Variants in ST18 observed in about 807,000 individuals in gnomAD.
ST18 encodes the protein suppression of tumorigenicity 18 protein.
Under a neutral mutation model 110.0 loss-of-function variants are expected in ST18, and 50 were observed. The ratio of observed to expected loss-of-function variants is 0.45; its 90% CI spans 0.36 to 0.58. The LOEUF is 0.58. Among genes scored for constraint, ST18 ranks in the 20% least tolerant of loss-of-function variants. ST18 has a pLI of 0.00. For synonymous variants in ST18, 461 were observed against 452.4 expected (o/e 1.02, Z -0.24); for missense variants, 1,306 against 1,280.1 (o/e 1.02, Z -0.31).
At chr8:52,278,329 C>A (rs182399081) in intron 2 of ST18, among the ~76,000 whole-genome samples, 5 of 152,298 alleles carry the variant, frequency 3.3e-5, no homozygotes, top group Admixed American at 3.3e-4. Flanking sequence ...AATAAAAACA[C>A]CTTCTTGTGT....
intron 2 of ST18, among the ~76,000 whole-genome samples, chr8:52,355,196 C>G (rs117689085): frequency 0.015 from 2,322 of 152,314 alleles, 24 homozygotes; most frequent in Admixed American, 0.031. Flanking sequence ...TGACCACCCT[C>G]TCCCTTCCAC....
chr8:52,345,606 A>G (rs1369213402), intron 2 of ST18, among the ~76,000 whole-genome samples: 3 of 152,182 alleles, frequency 2.0e-5, no homozygotes, highest in Non-Finnish European at 2.9e-5. Context: ...TCTCCAACCC[A>G]GCTCTTCCAA....
chr8:52,143,207 C>A (rs2055920763), intron 16 of ST18, among the ~76,000 whole-genome samples, 162 bp from the exon 17 acceptor site: 1 of 152,176 alleles, frequency 6.6e-6, no homozygotes, highest in Non-Finnish European at 1.5e-5. Context: ...ATAATATAGG[C>A]CAGGCGAGGT....
chr8:52,315,759 T>C (rs1020176864), intron 2 of ST18, among the ~76,000 whole-genome samples: 10 of 152,230 alleles, frequency 6.6e-5, no homozygotes, highest in African/African-American at 2.4e-4. Context: ...GCTATATAGC[T>C]GTCAAGCAAA....
intron 2 of ST18, among the ~76,000 whole-genome samples, chr8:52,234,114 CA>C (rs1291031141): frequency 6.6e-6 from 1 of 151,874 alleles, no homozygotes; most frequent in Non-Finnish European, 1.5e-5. Context: ...AACTTTTTTC[CA>C]AAAAAAGCAT....
At chr8:52,380,753 C>T (rs183713420) in intron 2 of ST18, among the ~76,000 whole-genome samples, 116 of 152,234 alleles carry the variant, frequency 7.6e-4, no homozygotes, top group African/African-American at 2.7e-3. Context: ...GGCAATTGAT[C>T]TTATTCCCTG....
At chr8:52,192,644 T>A (rs570665042) in intron 8 of ST18, among the ~76,000 whole-genome samples, 6 of 152,340 alleles carry the variant, frequency 3.9e-5, no homozygotes, top group African/African-American at 1.4e-4. Flanking sequence ...CAGAATGTGA[T>A]GTCTTCGGCA....
chr8:52,146,145 C>T (rs1586901755), intron 16 of ST18, among the ~76,000 whole-genome samples: 1 of 152,058 alleles, frequency 6.6e-6, no homozygotes, highest in Non-Finnish European at 1.5e-5. Flanking sequence ...AGGGACATAA[C>T]CATATTCCAG....
chr8:52,381,575 T>G (rs955936524), intron 2 of ST18, among the ~76,000 whole-genome samples: 1 of 152,234 alleles, frequency 6.6e-6, no homozygotes, highest in Non-Finnish European at 1.5e-5. Flanking sequence ...TATTCTAAAC[T>G]GGCCACAATA....
Position 52,172,325 on chromosome 8 carries a change from A to G in ST18, c.536T>C (p.Ile179Thr), listed in dbSNP as rs372843576. The G allele has an allele frequency of 1.2e-5, 20 of 1,614,034 alleles. No individual in the cohort carries two copies. The highest frequency in any genetic ancestry group is 5.3e-5 in the African/African-American group (4 of 74,920). Residue 179 changes from isoleucine (I) to threonine (T), a missense_variant, in exon 10 of 26, where the codon ATT becomes ACT. Physicochemically the swap from Ile to Thr is moderately conservative, Grantham distance 89 (BLOSUM62 -1). Transcript: ENST00000689386. The stretch of plus-strand genomic sequence containing the variant: ...GCAGAAGGGTGGCTGAGAATCATCA[A>G]TCTTGTCTCTTCCATCATCAGAATG... ...LIHSDDGRDK[I>T]DDSQPPFCSS...
chr8:52,211,287 C>A (rs534717302), intron 8 of ST18, among the ~76,000 whole-genome samples: 1 of 151,868 alleles, frequency 6.6e-6, no homozygotes, highest in East Asian at 1.9e-4. Context: ...ATATCTGTGA[C>A]GAAAATGCTT....
rs76315115 is a variant in ST18 at position 52,291,227 on chromosome 8, C to T, written c.-464-61150G>A. Among the ~76,000 whole-genome samples, 692 of 152,342 alleles carry T rather than the reference C, an allele frequency of 4.5e-3. 2 individuals are homozygous for T. Among genetic ancestry groups the T allele is most frequent in the African/African-American group, 0.016 (673 of 41,582 alleles). On this transcript the variant is annotated intron_variant, in intron 2 of 25. Transcript: ENST00000689386. ...ACCAAACATCTGCTGGTTAAGCTCC[C>T]ATTTTTCAACCAACGCCTTTTCCTC...
At chr8:52,330,998 G>C (rs1208419446) in intron 2 of ST18, among the ~76,000 whole-genome samples, 1 of 152,200 alleles carries the variant, frequency 6.6e-6, no homozygotes, top group Non-Finnish European at 1.5e-5. Flanking sequence ...GCAGAGGCAA[G>C]CACTTCCTGG....
intron 2 of ST18, among the ~76,000 whole-genome samples, chr8:52,397,659 T>C (rs1424659323): frequency 6.6e-6 from 1 of 152,194 alleles, no homozygotes; most frequent in Non-Finnish European, 1.5e-5. Context: ...TTTATTCATT[T>C]GCATGTGGAA....
intron 2 of ST18, among the ~76,000 whole-genome samples, chr8:52,276,821 C>T (rs1354401734): frequency 6.7e-6 from 1 of 148,692 alleles, no homozygotes; most frequent in African/African-American, 2.5e-5. Flanking sequence ...GGCTGGAGTG[C>T]AGTGGTGCGA....
At chr8:52,248,453 T>C (rs1025767464) in intron 2 of ST18, 2 of 152,204 alleles carry the variant, frequency 1.3e-5, no homozygotes, top group African/African-American at 2.4e-5. Context: ...TAGCGGACAG[T>C]TCTGAGAATA....
intron 2 of ST18, among the ~76,000 whole-genome samples, chr8:52,322,957 A>T (rs1804674157): frequency 6.6e-6 from 1 of 152,142 alleles, no homozygotes; most frequent in South Asian, 2.1e-4. Flanking sequence ...TCCCTCCTCC[A>T]TCTAGTGATA....
intron 9 of ST18, among the ~76,000 whole-genome samples, chr8:52,177,238 C>T (rs1258942873): frequency 6.6e-6 from 1 of 152,216 alleles, no homozygotes; most frequent in Non-Finnish European, 1.5e-5. Context: ...CATGGTTTGT[C>T]CATGTTCTCT....
At chr8:52,370,836 T>C (rs936222898) in intron 2 of ST18, among the ~76,000 whole-genome samples, 6 of 152,194 alleles carry the variant, frequency 3.9e-5, no homozygotes, top group Admixed American at 3.3e-4. Flanking sequence ...TCCCTGCTTA[T>C]GTAGATCCCC....
Sources: allele counts gnomAD v4.1 joint callset (sites outside exome capture counted in the v4.1 genomes callset), GRCh38; gene constraint gnomAD v4.1.1; transcripts MANE v1.5; gene names NCBI Gene and HGNC (gene_info 2026-07-23, HGNC 2026-07-21).